THRB: variants seen among roughly 807,000 people sequenced by gnomAD.
The protein encoded by THRB is nuclear receptor subfamily 1 group A member 2.
A neutral mutation model predicts 47.8 loss-of-function variants in THRB; 12 were observed. That is an observed-to-expected ratio of 0.25 (90% confidence interval 0.16 to 0.41). The LOEUF (loss-of-function observed/expected upper bound fraction) is 0.41. THRB is among the 10% of genes least tolerant of loss of function. The probability of loss-of-function intolerance (pLI) is 1.00; values close to 1 mark genes in which losing one functional copy is unlikely to be tolerated. For missense variants in THRB, 348 were observed against 589.2 expected (o/e 0.59, Z 4.24); for synonymous variants, 218 against 212.2 (o/e 1.03, Z -0.24).
chr3:24,367,485 T>C (rs1386870149), intron 1 of THRB, among the ~76,000 whole-genome samples: 1 of 152,204 alleles, frequency 6.6e-6, no homozygotes, highest in Non-Finnish European at 1.5e-5. Context: ...AGGCTTGATA[T>C]ACTGGGTTAC....
At position 24,325,316 on chromosome 3, in the gene THRB, C is replaced by T. The variant is rs192344500; in HGVS notation, c.-189+11984G>A. ...GGCATGATGCCTGTCATATTAAATG[C>T]TTCCTCTCAAAGGAAGAAAAACAGC... is the stretch of plus-strand genomic sequence containing the variant. On this transcript the variant is annotated intron_variant, in intron 2 of 10. Transcript: ENST00000646209. Among the ~76,000 whole-genome samples the T allele has an allele frequency of 2.0e-5, 3 of 152,232 alleles. No individual in the cohort carries two copies. The East Asian group carries it at 5.8e-4, about 29-fold the overall frequency.
At chr3:24,243,291 G>C (rs978353920) in intron 3 of THRB, among the ~76,000 whole-genome samples, 1 of 151,802 alleles carries the variant, frequency 6.6e-6, no homozygotes, top group Non-Finnish European at 1.5e-5. Flanking sequence ...GTTTAAAATG[G>C]CATTCCAACA....
chr3:24,169,391 G>A (rs78917135), intron 5 of THRB, among the ~76,000 whole-genome samples: 2 of 152,116 alleles, frequency 1.3e-5, no homozygotes, highest in East Asian at 1.9e-4. Context: ...TGGTCCATGA[G>A]AGTGAGGACT....
intron 1 of THRB, among the ~76,000 whole-genome samples, chr3:24,363,596 A>C (rs2064229929): frequency 6.6e-6 from 1 of 152,124 alleles, no homozygotes; most frequent in Admixed American, 6.6e-5. Flanking sequence ...TCTCTAGATC[A>C]AAAAAAATTT....
intron 1 of THRB, among the ~76,000 whole-genome samples, chr3:24,448,870 G>T (rs2072360371): frequency 6.6e-6 from 1 of 152,186 alleles, no homozygotes; most frequent in African/African-American, 2.4e-5. Context: ...GACAGGGAAG[G>T]ACTCTATGCC....
intron 10 of THRB, among the ~76,000 whole-genome samples, chr3:24,125,681 T>C (rs1220736797): frequency 1.3e-5 from 2 of 152,188 alleles, no homozygotes; most frequent in African/African-American, 2.4e-5. Context: ...CCCTCAGCCC[T>C]AGAGGTCATC....
At chr3:24,350,507 T>C (rs2063295817) in intron 1 of THRB, among the ~76,000 whole-genome samples, 2 of 152,126 alleles carry the variant, frequency 1.3e-5, no homozygotes, top group African/African-American at 4.8e-5. Flanking sequence ...AAGTCAGAAA[T>C]GATAGAGTCT....
intron 2 of THRB, among the ~76,000 whole-genome samples, chr3:24,326,756 CTTTTTT>C (rs1174687260): frequency 4.6e-4 from 23 of 50,004 alleles, no homozygotes; most frequent in South Asian, 2.5e-3. Context: ...CCAGTCTTGT[CTTTTTT>C]TTTTTTTTTT....
At chr3:24,162,231 AACCTCAGCC>A (rs1018215679) in intron 5 of THRB, among the ~76,000 whole-genome samples, 1 of 151,966 alleles carries the variant, frequency 6.6e-6, no homozygotes, top group Non-Finnish European at 1.5e-5. Context: ...ACTTTGCTGC[AACCTCAGCC>A]ACAGAGCAGA....
intron 1 of THRB, among the ~76,000 whole-genome samples, chr3:24,464,182 C>G (rs2073944410): frequency 6.6e-6 from 1 of 151,420 alleles, no homozygotes; most frequent in African/African-American, 2.4e-5. Context: ...GGAGGCGGAG[C>G]CTGCAGTGAG....
intron 4 of THRB, among the ~76,000 whole-genome samples, chr3:24,224,451 A>G (rs6773583): frequency 0.01 from 1,593 of 152,204 alleles, 27 homozygotes; most frequent in African/African-American, 0.037. Flanking sequence ...TTATTTTGCC[A>G]TCAGTAACCT....
intron 4 of THRB, among the ~76,000 whole-genome samples, chr3:24,208,617 A>C (rs1458925335): frequency 2.6e-5 from 4 of 152,242 alleles, no homozygotes; most frequent in Non-Finnish European, 5.9e-5. Context: ...CCTATTTAAT[A>C]AATGGTGCTG....
At chr3:24,395,914 C>T (rs9828157) in intron 1 of THRB, among the ~76,000 whole-genome samples, 9,256 of 151,956 alleles carry the variant, frequency 0.061, 960 homozygotes, top group African/African-American at 0.21. Flanking sequence ...TATATGGTTC[C>T]GTTTATATGG....
chr3:24,308,860 G>A (rs1239418020), intron 2 of THRB, among the ~76,000 whole-genome samples: 1 of 152,060 alleles, frequency 6.6e-6, no homozygotes, highest in African/African-American at 2.4e-5. Context: ...TTCCCCTTTT[G>A]TTTTTGTGCC....
chr3:24,459,972 G>C (rs1277171022), intron 1 of THRB, among the ~76,000 whole-genome samples: 2 of 152,164 alleles, frequency 1.3e-5, no homozygotes, highest in Non-Finnish European at 2.9e-5. Context: ...GGTAAACAGA[G>C]CAGTTAAATT....
At chr3:24,261,329 C>A (rs1378116189) in intron 3 of THRB, among the ~76,000 whole-genome samples, 1 of 151,770 alleles carries the variant, frequency 6.6e-6, no homozygotes, top group African/African-American at 2.4e-5. Context: ...GGTGAAACCC[C>A]GTCTACTAAA....
At chr3:24,378,740 A>G (rs1314864217) in intron 1 of THRB, among the ~76,000 whole-genome samples, 1 of 152,178 alleles carries the variant, frequency 6.6e-6, no homozygotes, top group East Asian at 1.9e-4. Flanking sequence ...ATAAACATGT[A>G]TGAATTATTT....
rs373921665 is a variant in THRB at position 24,193,370 on chromosome 3, A to G, written c.23-3036T>C. ...ATAGGGTGTGGGCATGCATAGATCT[A>G]TCAAGTTCTCCAGGTGATTCTGATA... is the stretch of plus-strand genomic sequence containing the variant. On this transcript the variant is annotated intron_variant, in intron 4 of 10. Coordinates refer to ENST00000646209, the MANE Select transcript of THRB (RefSeq NM_001354712.2). 5.9e-5 allele frequency among the ~76,000 whole-genome samples: 9 copies of G among 152,302 alleles called. No homozygotes were observed. In the South Asian group the frequency reaches 1.7e-3, roughly 28 times the overall value.
At chr3:24,235,696 C>T (rs1180335080) in intron 3 of THRB, among the ~76,000 whole-genome samples, 3 of 152,100 alleles carry the variant, frequency 2.0e-5, no homozygotes, top group African/African-American at 7.2e-5. Flanking sequence ...GACGTTATTA[C>T]ATACCCTAGC....
Sources: allele counts gnomAD v4.1 joint callset (sites outside exome capture counted in the v4.1 genomes callset), GRCh38; gene constraint gnomAD v4.1.1; transcripts MANE v1.5; gene names NCBI Gene and HGNC (gene_info 2026-07-23, HGNC 2026-07-21).